ABCC1: variants seen among roughly 807,000 people sequenced by gnomAD.
ABCC1 encodes ATP binding cassette subfamily C member 1 (ABCC1 blood group), also known as multidrug resistance-associated protein 1.
ABCC1 carries 83 observed loss-of-function variants against 172.9 expected under a neutral mutation model. That is an observed-to-expected ratio of 0.48 (90% CI 0.40 to 0.58). The LOEUF is 0.58. Among genes scored for constraint, ABCC1 ranks in the 20% least tolerant of loss-of-function variants. ABCC1 has a pLI of 0.00. For synonymous variants in ABCC1, 937 were observed against 825.2 expected (o/e 1.14, Z -2.32); for missense variants, 1,817 against 2,002.7 (o/e 0.91, Z 1.77).
intron 1 of ABCC1, among the ~76,000 whole-genome samples, chr16:15,952,877 C>CAAAAAAAA (rs770433015): frequency 3.7e-4 from 38 of 102,990 alleles, no homozygotes; most frequent in South Asian, 1.2e-3. Context: ...CTAATAATAC[C>CAAAAAAAA]AAAAAAAAAA....
At chr16:16,114,198 G>A (rs925057018) in intron 22 of ABCC1, among the ~76,000 whole-genome samples, 3 of 152,170 alleles carry the variant, frequency 2.0e-5, no homozygotes, top group Non-Finnish European at 2.9e-5. Flanking sequence ...CTGGACTTCA[G>A]TTTTCTTATC....
chr16:16,138,176 T>G (rs1245327875), intron 29 of ABCC1, among the ~76,000 whole-genome samples, 188 bp from the exon 30 acceptor site: 1 of 152,130 alleles, frequency 6.6e-6, no homozygotes, highest in African/African-American at 2.4e-5. Context: ...ACCTGCATCT[T>G]GCTGAATAGG....
Position 16,136,540 on chromosome 16 carries a change from TGAA to T in ABCC1, c.4193_4195del (p.Glu1398del), listed in dbSNP as rs2152164796. The T allele has an allele frequency of 6.2e-7, 1 of 1,614,174 alleles. No homozygotes were observed. The highest frequency in any genetic ancestry group is 1.1e-5 in the South Asian group (1 of 91,084). ...TGGACCCATTCAGCCAGTACTCGGA[TGAA>T]GAAGTCTGGACGTCCCTGGAGCTGG... On this transcript the variant is annotated inframe_deletion, in exon 29 of 31. Coordinates refer to ENST00000399410, the MANE Select transcript of ABCC1 (RefSeq NM_004996.4).
chr16:16,069,493 T>C (rs2050249982), intron 13 of ABCC1, among the ~76,000 whole-genome samples: 1 of 152,174 alleles, frequency 6.6e-6, no homozygotes, highest in South Asian at 2.1e-4. Flanking sequence ...TGGGCACTAC[T>C]GGAAGCTCCT....
At chr16:16,129,758 A>C (rs1324314523) in intron 26 of ABCC1, among the ~76,000 whole-genome samples, 1 of 152,006 alleles carries the variant, frequency 6.6e-6, no homozygotes, top group Non-Finnish European at 1.5e-5. Flanking sequence ...GGCTGGTCTC[A>C]AACTCCTGAC....
intron 3 of ABCC1, 104 bp downstream of exon 3, chr16:16,010,005 C>A: frequency 2.0e-5 from 10 of 499,880 alleles, no homozygotes; most frequent in South Asian, 4.5e-5. Context: ...AGGCAATGAT[C>A]AGCTGGAGCT....
rs1046647082 is a variant in ABCC1, at chr16:16,006,072, A to C, written c.49-1744A>C. Among the ~76,000 whole-genome samples the C allele has an allele frequency of 4.6e-5, 7 of 152,160 alleles. No individual in the cohort carries two copies. In the East Asian group the frequency reaches 1.3e-3, roughly 29 times the overall value. ...CTAATCTAATTTTTTTAAAAACAAA[A>C]AGTATGCCTAAAACAACAGCAATAA... On this transcript the variant is annotated intron_variant, in intron 1 of 30. Transcript: ENST00000399410.
intron 11 of ABCC1, among the ~76,000 whole-genome samples, chr16:16,053,443 T>A (rs1440833168): frequency 2.0e-5 from 3 of 151,972 alleles, no homozygotes; most frequent in African/African-American, 7.3e-5. Flanking sequence ...TTTGGAGATA[T>A]TTTGTATTTT....
At position 16,016,149 on chromosome 16, in the gene ABCC1, G is replaced by GTTTTT. The variant is rs71137903; in HGVS notation, c.490-329_490-325dup. ...CACCTGCTCTCAGAATGTGATCTTG[G>GTTTTT]TTTTTTTTTTTTTTTTTTTTTTGAG... On this transcript the variant is annotated intron_variant, in intron 4 of 30. Coordinates refer to ENST00000399410, the MANE Select transcript of ABCC1 (RefSeq NM_004996.4). Among the ~76,000 whole-genome samples, 48 of 84,282 alleles carry GTTTTT rather than the reference G, an allele frequency of 5.7e-4. 1 individual carries two copies. The highest frequency in any genetic ancestry group is 7.8e-4 in the Non-Finnish European group (37 of 47,676). The allele number at this position is 84,282 out of a possible 152,430, so 55.3% of individuals were successfully genotyped here. A position where few individuals can be genotyped will look rare whatever the true frequency, so the allele number is the denominator to read the frequency against.
At chr16:16,106,913 T>A (rs370397676) in intron 21 of ABCC1, 40 bp downstream of exon 21, 2 of 1,612,534 alleles carry the variant, frequency 1.2e-6, no homozygotes, top group Admixed American at 3.3e-5. Flanking sequence ...GGCTGGAGTT[T>A]ATAGAGCGCC....
At chr16:16,035,780 C>T (rs892505715) in intron 6 of ABCC1, among the ~76,000 whole-genome samples, 2 of 151,836 alleles carry the variant, frequency 1.3e-5, no homozygotes, top group African/African-American at 2.4e-5. Flanking sequence ...TAGACATGAG[C>T]TACCGTGCCT....
intron 10 of ABCC1, among the ~76,000 whole-genome samples, chr16:16,049,535 A>G (rs2049343088): frequency 6.6e-6 from 1 of 152,098 alleles, no homozygotes; most frequent in Non-Finnish European, 1.5e-5. Context: ...TAATTGATGA[A>G]AGCCTGCTCA....
rs2051644167 is a variant in ABCC1 at position 16,099,803 on chromosome 16, G to GCC, written c.2645-2823_2645-2822dup. The stretch of plus-strand genomic sequence containing the variant: ...GATCCCTTCAAAAAGCCAACAGGGG[G>GCC]CCAGGCACAGTGGCTCACACCTGTA... On this transcript the variant is annotated intron_variant, in intron 19 of 30. Coordinates refer to ENST00000399410, the MANE Select transcript of ABCC1 (RefSeq NM_004996.4). Among the ~76,000 whole-genome samples, 3 of 152,296 alleles carry GCC rather than the reference G, an allele frequency of 2.0e-5. No homozygotes were observed. The South Asian group carries it at 6.2e-4, about 32-fold the overall frequency.
intron 4 of ABCC1, among the ~76,000 whole-genome samples, chr16:16,016,149 G>GT (rs71137903): frequency 0.52 from 43,896 of 84,468 alleles, 12,174 homozygotes; most frequent in East Asian, 0.61. Flanking sequence ...TGTGATCTTG[G>GT]TTTTTTTTTT....
At chr16:16,048,535 T>C (rs1292518357) in intron 10 of ABCC1, among the ~76,000 whole-genome samples, 3 of 152,212 alleles carry the variant, frequency 2.0e-5, no homozygotes, top group Non-Finnish European at 1.5e-5. Flanking sequence ...TTTTCTCTTT[T>C]CCTTGACAGT....
chr16:15,979,309 C>CA (rs59271219), intron 1 of ABCC1, among the ~76,000 whole-genome samples: 17 of 150,110 alleles, frequency 1.1e-4, no homozygotes, highest in Admixed American at 4.6e-4. Context: ...AACAAACAAA[C>CA]AAAAAAAAAA....
chr16:15,995,977 G>GTTTTTT (rs565769136), intron 1 of ABCC1, among the ~76,000 whole-genome samples: 17 of 98,598 alleles, frequency 1.7e-4, no homozygotes, highest in Admixed American at 2.4e-4. Context: ...GCCCAGCTAA[G>GTTTTTT]TTTTTTTTTT....
At chr16:16,141,114 A>G in intron 30 of ABCC1, 59 bp from the exon 31 acceptor site, 2 of 1,502,288 alleles carry the variant, frequency 1.3e-6, no homozygotes, top group Admixed American at 3.4e-5. Flanking sequence ...CAGTTGTCCC[A>G]GGGGCACGAG....
intron 11 of ABCC1, 39 bp from the exon 12 acceptor site, chr16:16,056,053 G>A (rs770564365): frequency 6.3e-7 from 1 of 1,587,980 alleles, no homozygotes; most frequent in South Asian, 1.1e-5. Flanking sequence ...GCTGATCCCA[G>A]GGTCGCCCCA....
Sources: gnomAD v4.1 joint callset for allele counts (sites outside exome capture counted in the v4.1 genomes callset) on GRCh38, gnomAD v4.1.1 for gene constraint, MANE v1.5 for transcripts, NCBI Gene and HGNC (gene_info 2026-07-23, HGNC 2026-07-21) for gene names.